Variants in DPP6 observed in about 807,000 individuals in gnomAD.
DPP6 encodes dipeptidyl peptidase like 6.
Under a neutral mutation model 122.6 loss-of-function variants are expected in DPP6, and 69 were observed. That is an observed-to-expected ratio of 0.56 (90% CI 0.46 to 0.69). The LOEUF (loss-of-function observed/expected upper bound fraction) is 0.69. Among genes scored for constraint, DPP6 ranks in the 30% least tolerant of loss-of-function variants. The probability of loss-of-function intolerance (pLI) is 0.00; values close to 1 mark genes in which losing one functional copy is unlikely to be tolerated. For missense variants in DPP6, 928 were observed against 1,116.9 expected (o/e 0.83, Z 2.41); for synonymous variants, 418 against 433.1 (o/e 0.97, Z 0.43).
intron 7 of DPP6, 137 bp downstream of exon 7, chr7:154,669,578 C>A: frequency 7.4e-7 from 1 of 1,348,872 alleles, no homozygotes; most frequent in South Asian, 1.6e-5. Context: ...AAATTAAAAT[C>A]TGGAGAGGTA....
chr7:154,496,799 T>A (rs766050931), intron 3 of DPP6, among the ~76,000 whole-genome samples: 21 of 152,216 alleles, frequency 1.4e-4, no homozygotes, highest in Non-Finnish European at 1.6e-4. Flanking sequence ...CTTCATAACA[T>A]AGAAGTGTTC....
intron 1 of DPP6, among the ~76,000 whole-genome samples, chr7:154,378,868 A>T (rs1813350055): frequency 1.3e-5 from 2 of 152,190 alleles, no homozygotes; most frequent in South Asian, 2.1e-4. Context: ...GAGTGAGGGG[A>T]AACTGCCACA....
intron 1 of DPP6, among the ~76,000 whole-genome samples, chr7:154,172,718 A>G (rs758765998): frequency 1.6e-4 from 24 of 149,976 alleles, no homozygotes; most frequent in African/African-American, 1.2e-4. Flanking sequence ...CTCCCACTTC[A>G]GCCTCCCGAG....
intron 1 of DPP6, among the ~76,000 whole-genome samples, chr7:154,262,611 AGG>A (rs10577049): frequency 0.35 from 52,505 of 150,218 alleles, 9,894 homozygotes; most frequent in Non-Finnish European, 0.44. Context: ...AGAGAACTCA[AGG>A]GGGCTTTATT....
At position 154,403,069 on chromosome 7, in the gene DPP6, G is replaced by A. The variant is rs1419276667; in HGVS notation, c.244-43145G>A. 1.3e-5 allele frequency among the ~76,000 whole-genome samples: 2 copies of A among 152,214 alleles called. No homozygotes were observed. The highest frequency in any genetic ancestry group is 2.9e-5 in the Non-Finnish European group (2 of 68,024). On this transcript the variant is annotated intron_variant, in intron 1 of 25. Coordinates refer to ENST00000377770, the MANE Select transcript of DPP6 (RefSeq NM_130797.4). The surrounding 1 kb of genome is among the most constrained non-coding windows in gnomAD (Gnocchi z 4.1). ...AATTATCAGAGTTATTTATATGACTGTGTCAGGTACCTGCCTGAAAATGCT... is the reference window on the plus strand; with the variant it reads ...AATTATCAGAGTTATTTATATGACTATGTCAGGTACCTGCCTGAAAATGCT...
intron 1 of DPP6, among the ~76,000 whole-genome samples, chr7:154,320,838 G>A (rs58704521): frequency 0.15 from 23,324 of 151,974 alleles, 2,746 homozygotes; most frequent in African/African-American, 0.33. Flanking sequence ...ATTTTCTAGA[G>A]TTTTAGAGGA....
rs569310566 is a variant in DPP6, at chr7:154,859,871, G to A, written c.1714+6044G>A. 5.3e-5 allele frequency among the ~76,000 whole-genome samples: 8 copies of A among 152,294 alleles called. No homozygotes were observed. In the East Asian group the frequency reaches 1.4e-3, roughly 26 times the overall value. On this transcript the variant is annotated intron_variant, in intron 17 of 25. Coordinates refer to ENST00000377770, the MANE Select transcript of DPP6 (RefSeq NM_130797.4). Reference sequence around the variant, plus strand: ...GACGTGTGGGAGTCGAAATTGCGGTGTGGCTTGCAATGCAGCCCCACAGCC... The same window carrying A: ...GACGTGTGGGAGTCGAAATTGCGGTATGGCTTGCAATGCAGCCCCACAGCC...
intron 13 of DPP6, 46 bp from the exon 14 acceptor site, chr7:154,803,818 C>A: frequency 1.3e-6 from 2 of 1,591,238 alleles, no homozygotes; most frequent in East Asian, 2.3e-5. Context: ...CATGCTGGGG[C>A]CGGGACACCG....
At chr7:154,868,865 G>A (rs56259347) in intron 18 of DPP6, among the ~76,000 whole-genome samples, 6 of 152,154 alleles carry the variant, frequency 3.9e-5, no homozygotes, top group Middle Eastern at 3.4e-3. Flanking sequence ...ACTCTGTCCC[G>A]CTCCAGACTT....
the DPP6 span, among the ~76,000 whole-genome samples, chr7:153,871,052 C>T: frequency 6.6e-6 from 1 of 152,202 alleles, no homozygotes; most frequent in African/African-American, 2.4e-5. Context: ...AGGTGTCAGT[C>T]TGCCCCTCCT....
chr7:154,163,623 G>T (rs1191628356), intron 1 of DPP6, among the ~76,000 whole-genome samples: 2 of 152,142 alleles, frequency 1.3e-5, no homozygotes, highest in Admixed American at 1.3e-4. Flanking sequence ...GTATCAATAA[G>T]ATCGCCAGAT....
chr7:154,799,267 T>TC (rs1189333933), intron 12 of DPP6, among the ~76,000 whole-genome samples: 1 of 152,152 alleles, frequency 6.6e-6, no homozygotes, highest in Non-Finnish European at 1.5e-5. Context: ...CTCAGTACGG[T>TC]CACCCGCAGA....
At chr7:154,065,638 A>G (rs1483898549) in intron 1 of DPP6, among the ~76,000 whole-genome samples, 2 of 151,870 alleles carry the variant, frequency 1.3e-5, no homozygotes, top group Admixed American at 6.6e-5. Flanking sequence ...ATTGTCCATC[A>G]AGGTATAATG....
intron 7 of DPP6, among the ~76,000 whole-genome samples, chr7:154,703,640 AGAAAT>A (rs1840651196): frequency 1.3e-5 from 2 of 150,978 alleles, no homozygotes; most frequent in Non-Finnish European, 3.0e-5. Flanking sequence ...AAAAAAGAAA[AGAAAT>A]ACATTTCATA....
chr7:153,875,477 T>A, the DPP6 span, among the ~76,000 whole-genome samples: 1 of 151,972 alleles, frequency 6.6e-6, no homozygotes, highest in South Asian at 2.1e-4. Flanking sequence ...AAACAATGAT[T>A]AGAAAAAAAT....
At position 154,052,628 on chromosome 7, in the gene DPP6, C is replaced by T. The variant is rs1359099669; in HGVS notation, c.-193C>T. On this transcript the variant is annotated 5_prime_UTR_variant, in exon 1 of 26. Coordinates refer to ENST00000377770, the MANE Select transcript of DPP6 (RefSeq NM_130797.4). This position sits in a 1 kb window ranked among gnomAD's most constrained non-coding sequence, Gnocchi z 4.8. ...CGGAGGAGGCTGAGCCAGGCAGAGT[C>T]GCCAGCGGAGACTCGCGAGTGGCGC... The T allele has an allele frequency of 2.3e-6, 3 of 1,276,614 alleles. No homozygotes were observed. The highest frequency in any genetic ancestry group is 3.8e-5 in the East Asian group (1 of 26,136). 79.1% of individuals were successfully genotyped at this position (1,276,614 alleles called of 1,614,324 possible).
chr7:154,697,520 A>G (rs1840287881), intron 7 of DPP6, among the ~76,000 whole-genome samples: 1 of 152,192 alleles, frequency 6.6e-6, no homozygotes, highest in Non-Finnish European at 1.5e-5. Context: ...TGGCCCTGCC[A>G]TCCCACAGAC....
At chr7:154,324,864 G>GTTTTTTTTTTTTT (rs1172014611) in intron 1 of DPP6, among the ~76,000 whole-genome samples, 2 of 59,610 alleles carry the variant, frequency 3.4e-5, no homozygotes, top group Non-Finnish European at 7.2e-5. Context: ...CTTTCCTTTT[G>GTTTTTTTTTTTTT]TTATTTTTTT....
intron 1 of DPP6, among the ~76,000 whole-genome samples, chr7:154,132,223 G>A (rs920141608): frequency 2.6e-5 from 4 of 152,100 alleles, no homozygotes; most frequent in African/African-American, 7.2e-5. Flanking sequence ...TTGATTTGCT[G>A]GTTTTACTGC....
Sources: gnomAD v4.1 joint callset for allele counts (sites outside exome capture counted in the v4.1 genomes callset) on GRCh38, gnomAD v4.1.1 for gene constraint, Gnocchi (gnomAD v3.1) non-coding constraint, MANE v1.5 for transcripts, NCBI Gene and HGNC (gene_info 2026-07-23, HGNC 2026-07-21) for gene names.